PXDNL: variants seen among roughly 807,000 people sequenced by gnomAD.
The protein encoded by PXDNL is probable oxidoreductase PXDNL.
PXDNL carries 145 observed loss-of-function variants against 150.8 expected under a neutral mutation model. The observed-to-expected ratio is 0.96, with a 90% CI of 0.84 to 1.10. PXDNL has a LOEUF of 1.10. Ranked by LOEUF, PXDNL falls within the 50% of genes least tolerant of loss-of-function variation. The pLI, the probability that PXDNL is intolerant of heterozygous loss-of-function variation, is 0.00. For synonymous variants in PXDNL, 757 were observed against 725.7 expected (o/e 1.04, Z -0.69); for missense variants, 2,087 against 1,873.9 (o/e 1.11, Z -2.10).
chr8:51,529,810 AC>A (rs1811853627), intron 4 of PXDNL, among the ~76,000 whole-genome samples: 1 of 152,024 alleles, frequency 6.6e-6, no homozygotes, highest in Non-Finnish European at 1.5e-5. Flanking sequence ...CCATTCTTCC[AC>A]ATCTTGGTAC....
intron 2 of PXDNL, among the ~76,000 whole-genome samples, chr8:51,632,013 A>G (rs7008271): frequency 0.073 from 11,084 of 152,190 alleles, 1,342 homozygotes; most frequent in African/African-American, 0.25. Context: ...AATTATTTTT[A>G]ATATAAATAG....
chr8:51,751,583 C>T (rs760729649), intron 1 of PXDNL, among the ~76,000 whole-genome samples: 17 of 152,078 alleles, frequency 1.1e-4, no homozygotes, highest in Admixed American at 6.6e-4. Context: ...AAGGTCTCAG[C>T]AGAAAAAAGG....
rs888764237 is a variant in PXDNL at position 51,408,246 on chromosome 8, G to A, written c.3378C>T (p.Leu1126=). 2 of 1,614,030 alleles carry A rather than the reference G, an allele frequency of 1.2e-6. No individual in the cohort carries two copies. Among genetic ancestry groups the A allele is most frequent in the Non-Finnish European group, 1.7e-6 (2 of 1,179,906 alleles). The change falls in exon 17 of 23, where the codon CTC becomes CTT. Residue 1126 remains leucine (L), a synonymous_variant. Transcript: ENST00000356297. ...YLLSPELTQR[L]FSAAYSAAVD... Reference sequence around the variant, plus strand: ...CGGCCGCAGAATAAGCCGCGGAGAAGAGCCTCTGGGTCAGCTCAGGACTGA... The same window carrying A: ...CGGCCGCAGAATAAGCCGCGGAGAAAAGCCTCTGGGTCAGCTCAGGACTGA...
chr8:51,404,810 C>T (rs962891167), intron 17 of PXDNL, among the ~76,000 whole-genome samples: 11 of 152,234 alleles, frequency 7.2e-5, no homozygotes, highest in South Asian at 4.1e-4. Context: ...ACCAGTCCCA[C>T]GCAGTGCGCC....
chr8:51,725,104 T>C (rs1041335791), intron 1 of PXDNL, among the ~76,000 whole-genome samples: 3 of 152,128 alleles, frequency 2.0e-5, no homozygotes, highest in Non-Finnish European at 4.4e-5. Context: ...AATTTCTGGG[T>C]ATTTGCTGTC....
intron 6 of PXDNL, among the ~76,000 whole-genome samples, chr8:51,481,954 T>A (rs558034213): frequency 2.0e-5 from 3 of 152,298 alleles, no homozygotes; most frequent in Admixed American, 2.0e-4. Context: ...AATGTGGGGT[T>A]GGAGCCCCCA....
intron 2 of PXDNL, among the ~76,000 whole-genome samples, chr8:51,637,992 C>T (rs536265297): frequency 1.8e-4 from 27 of 152,330 alleles, no homozygotes; most frequent in South Asian, 6.2e-4. Context: ...ATCAGACTAA[C>T]GGCAGATCTG....
chr8:51,674,727 T>C (rs542126849), intron 1 of PXDNL, among the ~76,000 whole-genome samples: 2 of 152,192 alleles, frequency 1.3e-5, no homozygotes, highest in Non-Finnish European at 1.5e-5. Context: ...GCAGCAAAAG[T>C]GACTACCCCA....
chr8:51,790,912 C>G (rs2037506767), intron 1 of PXDNL, among the ~76,000 whole-genome samples: 1 of 140,216 alleles, frequency 7.1e-6, no homozygotes, highest in African/African-American at 2.5e-5. Context: ...TCTTTGTACC[C>G]TGCCTTATTT....
chr8:51,607,854 GAGGA>G (rs143544585), intron 2 of PXDNL, among the ~76,000 whole-genome samples: 32,882 of 72,350 alleles, frequency 0.45, 8,584 homozygotes, highest in Non-Finnish European at 0.55. Context: ...AAAAGGAAGA[GAGGA>G]AGGAAGGAAG....
At position 51,484,324 on chromosome 8, in the gene PXDNL, A is replaced by C. The variant is rs192843336; in HGVS notation, c.453-610T>G. Among the ~76,000 whole-genome samples the C allele has an allele frequency of 2.0e-3, 304 of 151,096 alleles. 4 individuals are homozygous for C. Among genetic ancestry groups the C allele is most frequent in the African/African-American group, 7.2e-3 (295 of 41,122 alleles). ...GTGGCAGGTACCTGTAATCCCAGCT[A>C]CTCCAGAGGCTGAGGCATGAGAATT... On this transcript the variant is annotated intron_variant, in intron 5 of 22. Coordinates refer to ENST00000356297, the MANE Select transcript of PXDNL (RefSeq NM_144651.5).
At chr8:51,691,485 T>A (rs1159165254) in intron 1 of PXDNL, among the ~76,000 whole-genome samples, 3 of 152,204 alleles carry the variant, frequency 2.0e-5, no homozygotes, top group Non-Finnish European at 4.4e-5. Flanking sequence ...GTTGTAGACA[T>A]GCGGCGTTAT....
intron 1 of PXDNL, among the ~76,000 whole-genome samples, chr8:51,663,155 A>G (rs895306465): frequency 6.6e-6 from 1 of 152,200 alleles, no homozygotes; most frequent in African/African-American, 2.4e-5. Context: ...CCCTCAAAGC[A>G]AAGCCAGTGG....
intron 17 of PXDNL, among the ~76,000 whole-genome samples, chr8:51,405,738 G>A (rs895532028): frequency 6.6e-6 from 1 of 152,118 alleles, no homozygotes; most frequent in Non-Finnish European, 1.5e-5. Flanking sequence ...TAATGAAAGG[G>A]GAAAGTCAGG....
In PXDNL at chr8:51,409,387, A is replaced by C; in HGVS notation, c.2237T>G (p.Leu746Arg). The C allele has an allele frequency of 6.3e-7, 1 of 1,594,546 alleles. No homozygotes were observed. The highest frequency in any genetic ancestry group is 8.5e-7 in the Non-Finnish European group (1 of 1,172,788). The change falls in exon 17 of 23, where the codon CTG becomes CGG. Residue 746 changes from leucine to arginine, a missense_variant. Leu to Arg is a moderately radical substitution (Grantham distance 102). Transcript: ENST00000356297. ...NLQQPTWGAA[L>R]TAFARLLQPA... ...CTGCAGCAGGCGCGCGAAGGCGGTC[A>C]GCGCCGCGCCCCACGTGGGCTGCTG...
chr8:51,641,788 G>T (rs952949816), intron 2 of PXDNL, among the ~76,000 whole-genome samples: 89 of 152,118 alleles, frequency 5.9e-4, no homozygotes, highest in Non-Finnish European at 1.1e-3. Flanking sequence ...CATTGTGGAA[G>T]TCAGTGTGGC....
At chr8:51,541,070 C>G (rs1250561084) in intron 4 of PXDNL, among the ~76,000 whole-genome samples, 3 of 151,844 alleles carry the variant, frequency 2.0e-5, no homozygotes, top group Non-Finnish European at 4.4e-5. Context: ...CCAGCCTGAC[C>G]AACATGGTGA....
chr8:51,585,941 G>A (rs1048257271), intron 3 of PXDNL, among the ~76,000 whole-genome samples: 1 of 151,916 alleles, frequency 6.6e-6, no homozygotes, highest in African/African-American at 2.4e-5. Context: ...TACTAACCCA[G>A]GATGTGCTTG....
intron 17 of PXDNL, among the ~76,000 whole-genome samples, chr8:51,406,884 C>T (rs958676175): frequency 6.6e-6 from 1 of 152,194 alleles, no homozygotes; most frequent in African/African-American, 2.4e-5. Context: ...TGTGCAATAT[C>T]GTAATGTCCC....
Sources: allele counts gnomAD v4.1 joint callset (sites outside exome capture counted in the v4.1 genomes callset), GRCh38; gene constraint gnomAD v4.1.1; transcripts MANE v1.5; gene names NCBI Gene and HGNC (gene_info 2026-07-23, HGNC 2026-07-21).